PDSS2: variants seen among roughly 807,000 people sequenced by gnomAD.
PDSS2 encodes decaprenyl diphosphate synthase subunit 2, also known as all trans-polyprenyl-diphosphate synthase PDSS2.
In PDSS2, 31 loss-of-function variants were observed where a neutral mutation model predicts 44.5. The ratio of observed to expected loss-of-function variants is 0.70; its 90% confidence interval spans 0.52 to 0.94. The LOEUF is 0.94. Among genes scored for constraint, PDSS2 ranks in the 40% least tolerant of loss-of-function variants. The pLI is 0.00. For synonymous variants in PDSS2, 157 were observed against 180.3 expected, an observed-to-expected ratio of 0.87 and a Z score of 1.03; for missense variants, 452 against 482.2, an observed-to-expected ratio of 0.94 and a Z score of 0.59.
intron 1 of PDSS2, among the ~76,000 whole-genome samples, chr6:107,399,827 A>G (rs752885666): frequency 6.6e-6 from 1 of 152,120 alleles, no homozygotes; most frequent in African/African-American, 2.4e-5. Flanking sequence ...TTTTTATATC[A>G]GCAATCTTTT....
At chr6:107,288,839 A>C (rs1027643911) in intron 2 of PDSS2, among the ~76,000 whole-genome samples, 2 of 140,858 alleles carry the variant, frequency 1.4e-5, no homozygotes, top group Non-Finnish European at 3.0e-5. Flanking sequence ...GGCTCACTGC[A>C]ACCTCCGCCT....
intron 3 of PDSS2, among the ~76,000 whole-genome samples, chr6:107,254,479 C>CCACCAA (rs1416049662): frequency 1.3e-5 from 2 of 152,094 alleles, no homozygotes; most frequent in African/African-American, 4.8e-5. Context: ...GAATTGAATA[C>CCACCAA]TTGGTCATGA....
chr6:107,207,384 C>T (rs1246973517), intron 6 of PDSS2, among the ~76,000 whole-genome samples: 1 of 151,926 alleles, frequency 6.6e-6, no homozygotes, highest in Non-Finnish European at 1.5e-5. Flanking sequence ...TCAAAGATAT[C>T]CAGGAGGGTA....
At chr6:107,332,557 A>G (rs1254628900) in intron 2 of PDSS2, among the ~76,000 whole-genome samples, 1 of 152,134 alleles carries the variant, frequency 6.6e-6, no homozygotes, top group African/African-American at 2.4e-5. Flanking sequence ...TGCTAGTCTG[A>G]TCTATAACTG....
chr6:107,214,930 TATTA>T (rs1773362131), intron 4 of PDSS2, among the ~76,000 whole-genome samples: 2 of 152,294 alleles, frequency 1.3e-5, no homozygotes, highest in African/African-American at 4.8e-5. Context: ...ACCTTAATTT[TATTA>T]AGTATTTGAA....
intron 1 of PDSS2, among the ~76,000 whole-genome samples, chr6:107,364,231 C>T (rs1019385679): frequency 6.6e-5 from 10 of 152,194 alleles, no homozygotes; most frequent in Admixed American, 3.3e-4. Context: ...GCCAGTCCTG[C>T]GCCGTGCGCT....
At chr6:107,234,843 A>G (rs1774172751) in intron 4 of PDSS2, among the ~76,000 whole-genome samples, 1 of 152,212 alleles carries the variant, frequency 6.6e-6, no homozygotes, top group Non-Finnish European at 1.5e-5. Flanking sequence ...TAAAATTTAT[A>G]GGAGGGAAAT....
chr6:107,157,668 T>C (rs1216909015), intron 7 of PDSS2, among the ~76,000 whole-genome samples: 5 of 151,646 alleles, frequency 3.3e-5, no homozygotes, highest in African/African-American at 7.3e-5. Context: ...TGTATTGTTT[T>C]AGCGTTTTTG....
chr6:107,278,960 C>T (rs1383288363), intron 2 of PDSS2, among the ~76,000 whole-genome samples: 1 of 152,168 alleles, frequency 6.6e-6, no homozygotes, highest in Non-Finnish European at 1.5e-5. Flanking sequence ...GGGCTCACGC[C>T]TGTAATCCCA....
intron 1 of PDSS2, among the ~76,000 whole-genome samples, chr6:107,443,347 A>C (rs1226472351): frequency 6.6e-6 from 1 of 152,236 alleles, no homozygotes; most frequent in Non-Finnish European, 1.5e-5. Context: ...TTAACATGAC[A>C]TACAAAACTC....
In PDSS2 at chr6:107,274,242, T is replaced by C. The variant is rs1429344073; in HGVS notation, c.432-15A>G. 3.2e-6 allele frequency: 5 copies of C among 1,583,166 alleles called. No individual in the cohort carries two copies. The highest frequency in any genetic ancestry group is 4.3e-6 in the Non-Finnish European group (5 of 1,151,864). ...AACTTCTTTGACTAAAACATAAAGG[T>C]AAGATTTGTTAGAATATCAAGAACA... On this transcript the variant is annotated splice_polypyrimidine_tract_variant and intron_variant, in intron 2 of 7. Transcript: ENST00000369037.
intron 1 of PDSS2, among the ~76,000 whole-genome samples, chr6:107,364,869 A>G (rs1003071606): frequency 2.6e-5 from 4 of 152,212 alleles, no homozygotes; most frequent in African/African-American, 9.6e-5. Context: ...TAACAATACA[A>G]TTAATGGTTT....
At chr6:107,301,363 TC>T (rs894725391) in intron 2 of PDSS2, among the ~76,000 whole-genome samples, 5 of 152,168 alleles carry the variant, frequency 3.3e-5, no homozygotes, top group Admixed American at 2.6e-4. Flanking sequence ...ACTATGTATT[TC>T]CCATTCAAAG....
At chr6:107,428,596 G>A (rs2114738046) in intron 1 of PDSS2, among the ~76,000 whole-genome samples, 1 of 152,294 alleles carries the variant, frequency 6.6e-6, no homozygotes, top group East Asian at 1.9e-4. Flanking sequence ...GGGAAGCTGA[G>A]GCAGGAAGAT....
chr6:107,261,580 T>TTTC (rs533426303), intron 3 of PDSS2, among the ~76,000 whole-genome samples: 7,026 of 128,568 alleles, frequency 0.055, 343 homozygotes, highest in South Asian at 0.18. Context: ...TTTTCTTTCT[T>TTTC]TTTTTTTTTT....
chr6:107,395,566 A>C (rs1376512463), intron 1 of PDSS2, among the ~76,000 whole-genome samples: 4 of 152,164 alleles, frequency 2.6e-5, no homozygotes, highest in Admixed American at 1.3e-4. Flanking sequence ...AGTGAAATTC[A>C]TTAAATATAC....
intron 7 of PDSS2, among the ~76,000 whole-genome samples, chr6:107,186,777 A>C (rs1772185145): frequency 6.6e-6 from 1 of 152,208 alleles, no homozygotes. Context: ...TATCCCTGCA[A>C]AGGACATGAT....
chr6:107,212,591 C>A (rs945687244), intron 4 of PDSS2, among the ~76,000 whole-genome samples: 1 of 152,168 alleles, frequency 6.6e-6, no homozygotes, highest in East Asian at 1.9e-4. Flanking sequence ...AACTAACTCC[C>A]TTCTATAGTC....
At chr6:107,224,402 T>G (rs1773718085) in intron 4 of PDSS2, among the ~76,000 whole-genome samples, 1 of 151,302 alleles carries the variant, frequency 6.6e-6, no homozygotes, top group Non-Finnish European at 1.5e-5. Context: ...CACGTAGAAG[T>G]GGGAGTTGTT....
Sources: allele counts gnomAD v4.1 joint callset (sites outside exome capture counted in the v4.1 genomes callset), GRCh38; gene constraint gnomAD v4.1.1; transcripts MANE v1.5; gene names NCBI Gene and HGNC (gene_info 2026-07-23, HGNC 2026-07-21).